The following SMPD4 variants were observed in gnomAD, a reference collection of about 807,000 sequenced individuals.
SMPD4 encodes the protein sphingomyelin phosphodiesterase 4, also known as neutral sphingomyelinase 3.
In SMPD4, 58 loss-of-function variants were observed where a neutral mutation model predicts 97.8. The observed-to-expected ratio is 0.59, with a 90% CI of 0.48 to 0.74. SMPD4 has a LOEUF of 0.74. SMPD4 is among the 30% of genes least tolerant of loss of function. The pLI is 0.00. For synonymous variants in SMPD4, 388 were observed against 450.0 expected, an observed-to-expected ratio of 0.86 and a Z score of 1.74; for missense variants, 853 against 1,080.5, an observed-to-expected ratio of 0.79 and a Z score of 2.95.
rs982089940 is a variant in SMPD4, at chr2:130,151,633, T to C, written c.*922A>G. The C allele has an allele frequency of 3.4e-5, 5 of 146,946 alleles. No individual in the cohort carries two copies. Among genetic ancestry groups the C allele is most frequent in the African/African-American group, 1.3e-4 (5 of 38,884 alleles). The allele number at this position is 146,946 out of a possible 1,614,324, so 9.1% of individuals were successfully genotyped here. A position where few individuals can be genotyped will look rare whatever the true frequency, so the allele number is the denominator to read the frequency against. On this transcript the variant is annotated 3_prime_UTR_variant, in exon 20 of 20. Transcript: ENST00000680298. ...TCTCCCTCGCATGTCGCCTGTGGGG[T>C]GAATGAAGGTGAAGACCCCGTGCTG... is the stretch of plus-strand genomic sequence containing the variant.
Position 130,152,723 on chromosome 2 carries a change from G to A in SMPD4, c.2316C>T (p.Arg772=). 1 of 1,585,840 alleles carries A rather than the reference G, an allele frequency of 6.3e-7. No homozygotes were observed. Among genetic ancestry groups the A allele is most frequent in the Non-Finnish European group, 8.6e-7 (1 of 1,167,282 alleles). Residue 772 remains arginine, a synonymous_variant, in exon 20 of 20, where the codon CGC becomes CGT. Coordinates refer to ENST00000680298, the MANE Select transcript of SMPD4 (RefSeq NM_017951.5). ...CCAGCGTCCGGTAACTGCCCAGGAA[G>A]CGCAGGCTGAGCCTGGGGCCGCGGG... ...GHTRGPRLSL[R]FLGSYRTLVS... is the part of the protein sequence containing the mutation.
At chr2:130,170,661 G>T (rs777231170) in intron 8 of SMPD4, among the ~76,000 whole-genome samples, 1 of 151,836 alleles carries the variant, frequency 6.6e-6, no homozygotes, top group Non-Finnish European at 1.5e-5. Context: ...CTACTTGGGA[G>T]GTTGAAGTGG....
In SMPD4 at chr2:130,173,310, T is replaced by C. The variant is rs374584781; in HGVS notation, c.314A>G (p.Tyr105Cys). The change falls in exon 5 of 20, where the codon TAT becomes TGT. Residue 105 changes from tyrosine to cysteine, a missense_variant. Coordinates refer to ENST00000680298, the MANE Select transcript of SMPD4 (RefSeq NM_017951.5). ...GTAGGAGACAGGAAAGTCGAACTTA[T>C]AGTCTTCAGCTTGAAGCTTATAAAC... ...KLVYKLQAED[Y>C]KFDFPVSYLP... The C allele has an allele frequency of 1.1e-5, 18 of 1,613,558 alleles. No individual in the cohort carries two copies. Among genetic ancestry groups the C allele is most frequent in the Middle Eastern group, 1.6e-4 (1 of 6,078 alleles).
At chr2:130,158,810 A>G (rs189062001) in intron 11 of SMPD4, among the ~76,000 whole-genome samples, 270 of 152,238 alleles carry the variant, frequency 1.8e-3, no homozygotes, top group Admixed American at 3.4e-3. Context: ...GGGCCGTAAC[A>G]CATCTGTGCT....
At position 130,154,475 on chromosome 2, in the gene SMPD4, C is replaced by T. The variant is rs1169344487; in HGVS notation, c.1461G>A (p.Gln487=). The T allele has an allele frequency of 1.3e-6, 2 of 1,553,592 alleles. No individual in the cohort carries two copies. Among genetic ancestry groups the T allele is most frequent in the East Asian group, 2.4e-5 (1 of 41,046 alleles). ...TGACCAGCTCTGGCTCCAGGAATAG[C>T]TGCTCACCTAGAAGGCAGGAGACGA... ...NLAEMIQKGE[Q]LFLEPELVIP... The change falls in exon 16 of 20, where the codon CAG becomes CAA. Residue 487 remains glutamine (Q), a synonymous_variant. Transcript: ENST00000680298.
intron 10 of SMPD4, among the ~76,000 whole-genome samples, chr2:130,163,569 C>T (rs935532097): frequency 6.6e-5 from 10 of 152,200 alleles, no homozygotes; most frequent in African/African-American, 1.7e-4. Flanking sequence ...CCAAAGTTTC[C>T]CAAGCATACT....
At chr2:130,161,056 C>G (rs922745503) in intron 11 of SMPD4, 130 bp downstream of exon 11, 14 of 841,324 alleles carry the variant, frequency 1.7e-5, no homozygotes, top group African/African-American at 1.5e-4. Context: ...CCTGCCTCCC[C>G]CCGACACAGG....
chr2:130,157,435 G>A (rs765162154), intron 11 of SMPD4, 39 bp from the exon 12 acceptor site: 41 of 1,610,346 alleles, frequency 2.5e-5, no homozygotes, highest in Middle Eastern at 2.1e-4. Flanking sequence ...GGGAAGGAGC[G>A]TGGCACCCAT....
In SMPD4 at chr2:130,157,280, G is replaced by A. The variant is rs10206469; in HGVS notation, c.1068C>T (p.His356=). ...TGAACTCCTCCAGGGGGCTGGTGGCGTGGGAGTGGGCGGAGGGTGAGGCCT... is the reference window on the plus strand; with the variant it reads ...TGAACTCCTCCAGGGGGCTGGTGGCATGGGAGTGGGCGGAGGGTGAGGCCT... ...PEQASPSAHS[H]ATSPLEEFKR... Residue 356 remains histidine (H), a synonymous_variant, in exon 12 of 20, where the codon CAC becomes CAT. Transcript: ENST00000680298. The A allele has an allele frequency of 1.3e-3, 1,982 of 1,558,554 alleles. 14 individuals are homozygous for A. The highest frequency in any genetic ancestry group is 0.011 in the South Asian group (951 of 85,176).
chr2:130,178,727 G>A (rs751900978), intron 1 of SMPD4, among the ~76,000 whole-genome samples: 3 of 151,792 alleles, frequency 2.0e-5, no homozygotes, highest in Admixed American at 6.6e-5. Flanking sequence ...CCCAGGAGGC[G>A]GAGGTTGCAG....
chr2:130,170,644 G>C (rs1359033596), intron 8 of SMPD4, among the ~76,000 whole-genome samples: 2 of 151,780 alleles, frequency 1.3e-5, no homozygotes, highest in Non-Finnish European at 2.9e-5. Flanking sequence ...CATGCTTATA[G>C]TACTAGCTAC....
chr2:130,180,720 T>C (rs993010327), intron 1 of SMPD4, among the ~76,000 whole-genome samples: 2 of 152,234 alleles, frequency 1.3e-5, no homozygotes, highest in African/African-American at 4.8e-5. Flanking sequence ...CTAGAGACGA[T>C]GAAGGGGAGA....
intron 9 of SMPD4, 127 bp downstream of exon 9, chr2:130,167,331 G>T: frequency 1.5e-6 from 2 of 1,324,342 alleles, no homozygotes; most frequent in Non-Finnish European, 2.1e-6. Flanking sequence ...ATGCTGGCCA[G>T]GTTGGTCCCA....
In SMPD4 at chr2:130,153,840, G is replaced by C. The variant is rs1686480890; in HGVS notation, c.1755C>G (p.Leu585=). The C allele has an allele frequency of 6.2e-7, 1 of 1,613,976 alleles. No homozygotes were observed. Among genetic ancestry groups the C allele is most frequent in the South Asian group, 1.1e-5 (1 of 91,076 alleles). ...CAESPAGHSF[L]SWLGFSSMDT... Reference sequence around the variant, plus strand: ...CCATGGAGCTAAAGCCCAGCCATGAGAGGAAGGAGTGGCCAGCCGGGCTCT... The same window carrying C: ...CCATGGAGCTAAAGCCCAGCCATGACAGGAAGGAGTGGCCAGCCGGGCTCT... Residue 585 remains leucine, a synonymous_variant, in exon 17 of 20, where the codon CTC becomes CTG. Coordinates refer to ENST00000680298, the MANE Select transcript of SMPD4 (RefSeq NM_017951.5).
intron 8 of SMPD4, among the ~76,000 whole-genome samples, chr2:130,168,180 TG>T (rs1688105800): frequency 6.6e-6 from 1 of 152,202 alleles, no homozygotes; most frequent in Admixed American, 6.5e-5. Flanking sequence ...CACTCCACCC[TG>T]GGGTGACAGA....
chr2:130,153,094 G>C lies in SMPD4; in HGVS notation c.2103C>G (p.Ile701Met), dbSNP rs146485657. Residue 701 changes from isoleucine to methionine, a missense_variant, in exon 19 of 20, where the codon ATC becomes ATG. By Grantham distance (10) the Ile-to-Met change is conservative. This residue lies in a region of SMPD4 where 511 missense variants were observed against 608.1 expected (regional missense o/e 0.84). Coordinates refer to ENST00000680298, the MANE Select transcript of SMPD4 (RefSeq NM_017951.5). Reference protein sequence around the residue: ...PELQPIRSYEIASLVRTLFRL... With the variant: ...PELQPIRSYEMASLVRTLFRL... ...TAAAGAGTGTGCGGACCAAGCTGGC[G>C]ATCTCATAGCTCCGGATGGGCTGCA... The C allele has an allele frequency of 6.2e-7, 1 of 1,613,422 alleles. No individual in the cohort carries two copies. The highest frequency in any genetic ancestry group is 1.3e-5 in the African/African-American group (1 of 74,902).
At chr2:130,156,870 G>C in intron 12 of SMPD4, 195 bp from the exon 13 acceptor site, 1 of 1,474,372 alleles carries the variant, frequency 6.8e-7, no homozygotes, top group Non-Finnish European at 9.2e-7. Flanking sequence ...AGGACACACA[G>C]CACGCAGGCG....
chr2:130,160,696 C>T (rs1246467175), intron 11 of SMPD4, among the ~76,000 whole-genome samples: 1 of 151,846 alleles, frequency 6.6e-6, no homozygotes, highest in Admixed American at 6.6e-5. Context: ...CTGCCTCACA[C>T]GCAAGCTCTG....
chr2:130,164,694 T>G (rs1687753953), intron 9 of SMPD4, among the ~76,000 whole-genome samples: 1 of 152,118 alleles, frequency 6.6e-6, no homozygotes. Flanking sequence ...AACACTAGAT[T>G]TGGCAATGAT....
Sources: gnomAD v4.1 joint callset for allele counts (sites outside exome capture counted in the v4.1 genomes callset) on GRCh38, gnomAD v4.1.1 for gene constraint, gnomAD v4.1.1 regional missense constraint, MANE v1.5 for transcripts, NCBI Gene and HGNC (gene_info 2026-07-23, HGNC 2026-07-21) for gene names.